Variants in BRWD1 observed in about 807,000 individuals in gnomAD.
The protein encoded by BRWD1 is bromodomain and WD repeat-containing protein 1.
In BRWD1, 82 loss-of-function variants were observed where a neutral mutation model predicts 251.2. That is an observed-to-expected ratio of 0.33 (90% CI 0.27 to 0.39). BRWD1 has a LOEUF of 0.39. Ranked by LOEUF, BRWD1 falls within the 10% of genes least tolerant of loss-of-function variation. The pLI is 1.00. For missense variants in BRWD1, 2,233 were observed against 2,711.6 expected (o/e 0.82, Z 3.92); for synonymous variants, 918 against 902.8 (o/e 1.02, Z -0.30).
At chr21:39,302,173 G>A (rs1490116910) in intron 4 of BRWD1, among the ~76,000 whole-genome samples, 7 of 151,250 alleles carry the variant, frequency 4.6e-5, no homozygotes, top group African/African-American at 7.3e-5. Flanking sequence ...TAGTAGAGAA[G>A]GGGTTTCACC....
At chr21:39,274,594 T>C in intron 12 of BRWD1, 122 bp from the exon 13 acceptor site, 1 of 796,224 alleles carries the variant, frequency 1.3e-6, no homozygotes. Context: ...AATCCACAGG[T>C]GTTAATTCAA....
chr21:39,255,921 C>T, intron 18 of BRWD1, 93 bp from the exon 19 acceptor site: 1 of 1,123,008 alleles, frequency 8.9e-7, no homozygotes, highest in East Asian at 2.5e-5. Flanking sequence ...AAGATGCGCA[C>T]CAAAAATAAA....
intron 40 of BRWD1, 134 bp downstream of exon 40, chr21:39,198,629 T>C (rs987835534): frequency 8.9e-6 from 6 of 677,040 alleles, no homozygotes; most frequent in African/African-American, 3.6e-5. Flanking sequence ...TAACACAGAA[T>C]GCATGGGAGG....
At position 39,191,605 on chromosome 21, in the gene BRWD1, T is replaced by A; in HGVS notation, c.*4654A>T. ...TTTGTAGGTGAATATATAGTTGCAG[T>A]CCAAGGACTGATTCACATTTAGAAA... On this transcript the variant is annotated 3_prime_UTR_variant, in exon 41 of 41. Coordinates refer to ENST00000342449, the MANE Select transcript of BRWD1 (RefSeq NM_033656.4). The A allele has an allele frequency of 2.0e-6, 2 of 985,010 alleles. No individual in the cohort carries two copies. The highest frequency in any genetic ancestry group is 3.5e-5 in the African/African-American group (2 of 57,336). The allele number at this position is 985,010 out of a possible 1,614,324, so 61.0% of individuals were successfully genotyped here. A position where few individuals can be genotyped will look rare whatever the true frequency, so the allele number is the denominator to read the frequency against.
In BRWD1 at chr21:39,250,801, G is replaced by C. The variant is rs1394759444; in HGVS notation, c.2344C>G (p.His782Asp). 1 of 1,570,270 alleles carries C rather than the reference G, an allele frequency of 6.4e-7. No homozygotes were observed. The highest frequency in any genetic ancestry group is 1.4e-5 in the African/African-American group (1 of 73,152). The change falls in exon 20 of 41, where the codon CAT becomes GAT. Residue 782 changes from histidine (H) to aspartate (D), a missense_variant. By Grantham distance (81) the His-to-Asp change is moderately conservative (BLOSUM62 -1). This residue lies in a region of BRWD1 where 214 missense variants were observed against 222.0 expected (regional missense o/e 0.96). Transcript: ENST00000342449. ...GRKRKTLQLS[H>D]KSDSVVLVSQ... ...GAAAACAGAATTTAGGTTACCTTAT[G>C]TGAGAGCTGAAGAGTCTTTCTTTTT...
intron 4 of BRWD1, 140 bp downstream of exon 4, chr21:39,312,701 G>T: frequency 6.4e-6 from 3 of 470,758 alleles, no homozygotes; most frequent in South Asian, 2.8e-5. Context: ...ATCTTCAGCC[G>T]GGAACGCAGC....
intron 17 of BRWD1, among the ~76,000 whole-genome samples, chr21:39,263,378 A>G: frequency 6.6e-6 from 1 of 152,198 alleles, no homozygotes; most frequent in Non-Finnish European, 1.5e-5. Context: ...ACGACAGAGA[A>G]AAGTACAAGA....
chr21:39,286,121 T>C (rs2146722451), intron 8 of BRWD1, among the ~76,000 whole-genome samples: 1 of 151,050 alleles, frequency 6.6e-6, no homozygotes, highest in South Asian at 2.1e-4. Flanking sequence ...TTCACGCCAT[T>C]CTCCTGCCTC....
chr21:39,304,080 G>A (rs1183874386), intron 4 of BRWD1, among the ~76,000 whole-genome samples: 1 of 147,462 alleles, frequency 6.8e-6, no homozygotes, highest in Non-Finnish European at 1.5e-5. Flanking sequence ...GGCGGAGGTT[G>A]CAGTGAGCCG....
At position 39,197,365 on chromosome 21, in the gene BRWD1, C is replaced by A. The variant is rs1228750884; in HGVS notation, c.5704G>T (p.Val1902Phe). Residue 1902 changes from valine (V) to phenylalanine (F), a missense_variant, in exon 41 of 41, where the codon GTC becomes TTC. Physicochemically the swap from Val to Phe is conservative, Grantham distance 50. Coordinates refer to ENST00000342449, the MANE Select transcript of BRWD1 (RefSeq NM_033656.4). ...GLSRKISRKR[V>F]CSSDSDSSLQ... ...CTACTGTCTGAGTCACTGGAACAGA[C>A]CCTTTTCCTGGAAATTTTTCTGCTT... 6.2e-7 allele frequency: 1 copy of A among 1,606,402 alleles called. No homozygotes were observed. Among genetic ancestry groups the A allele is most frequent in the Admixed American group, 1.7e-5 (1 of 58,180 alleles).
At chr21:39,310,592 A>G (rs2036447798) in intron 4 of BRWD1, among the ~76,000 whole-genome samples, 2 of 147,984 alleles carry the variant, frequency 1.4e-5, no homozygotes, top group African/African-American at 5.1e-5. Context: ...GCTCCTCAAA[A>G]CAGACTGTCT....
chr21:39,185,406 T>C (rs6517523), downstream of BRWD1: 45,317 of 151,118 alleles, frequency 0.3, 7,264 homozygotes, highest in Middle Eastern at 0.36. Context: ...ATAAATATTA[T>C]AAATTAAGTG....
intron 10 of BRWD1, among the ~76,000 whole-genome samples, chr21:39,277,856 T>G (rs1010668294): frequency 6.6e-6 from 1 of 151,792 alleles, no homozygotes; most frequent in African/African-American, 2.4e-5. Context: ...GTGAGCCAGC[T>G]GGTGGGGCGG....
chr21:39,198,954 T>C lies in BRWD1; in HGVS notation c.5462A>G (p.Asp1821Gly). ...CTCTTCAGATTCAGAGTCTTCTGAG[T>C]CACTCAGAATCTTGGTTTTTTTAAA... ...SFFKKTKILSDSEDSESEEQD... is the reference protein window; with the variant it reads ...SFFKKTKILSGSEDSESEEQD... Residue 1821 changes from aspartate to glycine, a missense_variant, in exon 40 of 41, where the codon GAC (aspartate) becomes GGC (glycine). Transcript: ENST00000342449. 6.2e-7 allele frequency: 1 copy of C among 1,614,052 alleles called. No individual in the cohort carries two copies. The highest frequency in any genetic ancestry group is 8.5e-7 in the Non-Finnish European group (1 of 1,179,980).
intron 21 of BRWD1, among the ~76,000 whole-genome samples, chr21:39,241,280 AC>A (rs1296019254): frequency 2.0e-5 from 3 of 151,602 alleles, no homozygotes; most frequent in African/African-American, 7.3e-5. Context: ...AGCATGGCCA[AC>A]ATGGTGAAAC....
At chr21:39,259,095 A>G (rs184438025) in intron 17 of BRWD1, among the ~76,000 whole-genome samples, 10 of 152,142 alleles carry the variant, frequency 6.6e-5, no homozygotes, top group Non-Finnish European at 1.3e-4. Flanking sequence ...TTTCTTCTCT[A>G]TGTCTTAAGA....
chr21:39,187,490 T>A lies in BRWD1; in HGVS notation c.*8769A>T, dbSNP rs1210777033. ...AAGATTTTACTACTGCTAACATTCCTCAACAACACTCATTCGGAAACAATA... is the reference window on the plus strand; with the variant it reads ...AAGATTTTACTACTGCTAACATTCCACAACAACACTCATTCGGAAACAATA... On this transcript the variant is annotated 3_prime_UTR_variant, in exon 41 of 41. Coordinates refer to ENST00000342449, the MANE Select transcript of BRWD1 (RefSeq NM_033656.4). 1 of 1,478,258 alleles carries A rather than the reference T, an allele frequency of 6.8e-7. No homozygotes were observed. The highest frequency in any genetic ancestry group is 2.6e-5 in the Admixed American group (1 of 38,284). The allele number at this position is 1,478,258 out of a possible 1,614,324, so 91.6% of individuals were successfully genotyped here.
rs539543355 is a variant in BRWD1, at chr21:39,313,537, G to C, written c.-46C>G. ...GCGGGAGCGAGCGAGCGAGCGGAGC[G>C]TGTAGGCCGCGCCGAGGCCTGACCG... is the stretch of plus-strand genomic sequence containing the variant. On this transcript the variant is annotated 5_prime_UTR_variant, in exon 1 of 41. Transcript: ENST00000342449. 2.0e-4 allele frequency: 269 copies of C among 1,315,240 alleles called. 3 individuals carry two copies. In the South Asian group the frequency reaches 4.3e-3, roughly 21 times the overall value. 81.5% of individuals were successfully genotyped at this position (1,315,240 alleles called of 1,614,324 possible). A position where few individuals can be genotyped will look rare whatever the true frequency, so the allele number is the denominator to read the frequency against.
upstream of BRWD1, chr21:39,314,492 A>AGAG: frequency 2.7e-6 from 1 of 368,200 alleles, no homozygotes; most frequent in South Asian, 2.0e-5. Context: ...AGAAGCCGGA[A>AGAG]ACTAGGGAGT....
Sources: allele counts gnomAD v4.1 joint callset (sites outside exome capture counted in the v4.1 genomes callset), GRCh38; gene constraint gnomAD v4.1.1; regional missense constraint gnomAD v4.1.1; transcripts MANE v1.5; gene names NCBI Gene and HGNC (gene_info 2026-07-23, HGNC 2026-07-21).